NKAIN2: variants seen among roughly 807,000 people sequenced by gnomAD.
The protein encoded by NKAIN2 is sodium/potassium-transporting ATPase subunit beta-1-interacting protein 2.
In NKAIN2, 14 loss-of-function variants were observed where a neutral mutation model predicts 32.6. The ratio of observed to expected loss-of-function variants is 0.43; its 90% confidence interval spans 0.28 to 0.67. NKAIN2 has a LOEUF of 0.67. NKAIN2 is among the 30% of genes least tolerant of loss of function. The pLI is 0.17. For missense variants in NKAIN2, 198 were observed against 258.3 expected (o/e 0.77, Z 1.60); for synonymous variants, 80 against 87.2 (o/e 0.92, Z 0.46).
chr6:124,477,240 T>C (rs1777255746), intron 3 of NKAIN2, among the ~76,000 whole-genome samples: 1 of 152,200 alleles, frequency 6.6e-6, no homozygotes, highest in Non-Finnish European at 1.5e-5. Context: ...GTAGAAATAT[T>C]CTTAAGTGCT....
intron 4 of NKAIN2, among the ~76,000 whole-genome samples, chr6:124,777,620 C>A (rs1207626231): frequency 6.6e-6 from 1 of 152,114 alleles, no homozygotes; most frequent in African/African-American, 2.4e-5. Context: ...ACAGCAAAGT[C>A]TGCCTGCCTT....
intron 3 of NKAIN2, among the ~76,000 whole-genome samples, chr6:124,463,062 A>G (rs1016570540): frequency 6.6e-6 from 1 of 151,064 alleles, no homozygotes; most frequent in Non-Finnish European, 1.5e-5. Context: ...AATTGAAACA[A>G]GTATCTCTAC....
intron 3 of NKAIN2, among the ~76,000 whole-genome samples, chr6:124,505,900 G>A (rs1162429335): frequency 1.3e-5 from 2 of 152,140 alleles, no homozygotes; most frequent in African/African-American, 2.4e-5. Flanking sequence ...CGGGCCGGGG[G>A]CGGTGGCTCA....
chr6:124,379,013 G>C (rs981642143), intron 3 of NKAIN2, among the ~76,000 whole-genome samples: 2 of 147,734 alleles, frequency 1.4e-5, no homozygotes, highest in African/African-American at 5.0e-5. Flanking sequence ...GATGACCTGG[G>C]CCCAGGAGTT....
intron 4 of NKAIN2, among the ~76,000 whole-genome samples, chr6:124,688,685 C>G (rs1389109769): frequency 1.3e-5 from 2 of 152,082 alleles, no homozygotes; most frequent in African/African-American, 4.8e-5. Flanking sequence ...TTTACTGTCT[C>G]TATACTTCTG....
At chr6:124,437,932 C>A (rs1263674363) in intron 3 of NKAIN2, 4 of 257,096 alleles carry the variant, frequency 1.6e-5, no homozygotes, top group African/African-American at 3.7e-5. Context: ...TTCTGATTTT[C>A]TCAATAGTTA....
At chr6:124,148,602 C>A (rs562732895) in intron 1 of NKAIN2, among the ~76,000 whole-genome samples, 7 of 152,106 alleles carry the variant, frequency 4.6e-5, no homozygotes, top group African/African-American at 1.7e-4. Flanking sequence ...TGGCTTCTTA[C>A]ATTTAGCATG....
In NKAIN2 at chr6:124,703,360, A is replaced by G. The variant is rs751929367; in HGVS notation, c.474+44974A>G. On this transcript the variant is annotated intron_variant, in intron 4 of 6. Transcript: ENST00000368417. Reference sequence around the variant, plus strand: ...TCAACATAAACTTTAAATCATGAGTACTGATTACCGCTTAGCATTGTTTCC... The same window carrying G: ...TCAACATAAACTTTAAATCATGAGTGCTGATTACCGCTTAGCATTGTTTCC... Among the ~76,000 whole-genome samples, 14 of 152,090 alleles carry G rather than the reference A, an allele frequency of 9.2e-5. 1 individual carries two copies. Among genetic ancestry groups the G allele is most frequent in the Non-Finnish European group, 1.9e-4 (13 of 67,960 alleles).
At chr6:124,674,022 C>CA in intron 4 of NKAIN2, among the ~76,000 whole-genome samples, 1 of 151,958 alleles carries the variant, frequency 6.6e-6, no homozygotes, top group East Asian at 1.9e-4. Context: ...GCCTTTCTTC[C>CA]ATTTTGATTT....
chr6:123,843,471 C>T (rs1284185195), intron 1 of NKAIN2, among the ~76,000 whole-genome samples: 2 of 152,030 alleles, frequency 1.3e-5, no homozygotes, highest in Non-Finnish European at 2.9e-5. Flanking sequence ...TGCCCCTTTG[C>T]CAGGGGAGCT....
chr6:123,954,291 T>A (rs1486933473), intron 1 of NKAIN2, among the ~76,000 whole-genome samples: 1 of 152,210 alleles, frequency 6.6e-6, no homozygotes, highest in African/African-American at 2.4e-5. Flanking sequence ...TCTGGAGCAG[T>A]GCCTTCCTAT....
intron 1 of NKAIN2, among the ~76,000 whole-genome samples, chr6:123,857,983 G>A (rs1353711139): frequency 6.6e-6 from 1 of 152,176 alleles, no homozygotes; most frequent in African/African-American, 2.4e-5. Flanking sequence ...TAGTGTGAAT[G>A]TGTTCTTTCT....
In NKAIN2 at chr6:123,891,300, T is replaced by C. The variant is rs555291467; in HGVS notation, c.54+87046T>C. The stretch of plus-strand genomic sequence containing the variant: ...ACAACACTGTGAATGTACTTACTGC[T>C]ATTAAAGTGTAAACATAAATGGTTA... On this transcript the variant is annotated intron_variant, in intron 1 of 6. Coordinates refer to ENST00000368417, the MANE Select transcript of NKAIN2 (RefSeq NM_001040214.3). Among the ~76,000 whole-genome samples, 247 of 152,332 alleles carry C rather than the reference T, an allele frequency of 1.6e-3. 2 individuals are homozygous for C. Among genetic ancestry groups the C allele is most frequent in the African/African-American group, 5.8e-3 (243 of 41,588 alleles).
intron 1 of NKAIN2, among the ~76,000 whole-genome samples, chr6:123,926,668 AGTCATTG>A (rs1411983010): frequency 6.6e-6 from 1 of 152,170 alleles, no homozygotes; most frequent in Non-Finnish European, 1.5e-5. Context: ...TGATTTTAAT[AGTCATTG>A]GTTTTTTCAG....
chr6:124,495,294 G>C (rs1206960461), intron 3 of NKAIN2, among the ~76,000 whole-genome samples: 2 of 152,088 alleles, frequency 1.3e-5, no homozygotes, highest in Admixed American at 1.3e-4. Flanking sequence ...ATTTTCTTAA[G>C]AGTAATTGAA....
chr6:124,346,963 C>T (rs1221294167), intron 2 of NKAIN2, among the ~76,000 whole-genome samples: 16 of 152,196 alleles, frequency 1.1e-4, no homozygotes, highest in African/African-American at 9.7e-5. Context: ...GATTTTGCAG[C>T]AGCTGGTACC....
chr6:124,619,597 C>A (rs1583531392), intron 3 of NKAIN2, among the ~76,000 whole-genome samples: 1 of 152,244 alleles, frequency 6.6e-6, no homozygotes, highest in Non-Finnish European at 1.5e-5. Context: ...TGCCCTTTTA[C>A]AGAGCCCAGT....
At chr6:124,513,070 T>A (rs1778777207) in intron 3 of NKAIN2, among the ~76,000 whole-genome samples, 1 of 152,030 alleles carries the variant, frequency 6.6e-6, no homozygotes, top group Non-Finnish European at 1.5e-5. Flanking sequence ...AAAGGCAAAA[T>A]GAATCAGTGG....
At chr6:124,476,091 T>C (rs1583307907) in intron 3 of NKAIN2, among the ~76,000 whole-genome samples, 2 of 149,044 alleles carry the variant, frequency 1.3e-5, no homozygotes, top group East Asian at 4.0e-4. Flanking sequence ...TGTGTGTGTG[T>C]GTGTGTGCGT....
Sources: gnomAD v4.1 joint callset for allele counts (sites outside exome capture counted in the v4.1 genomes callset) on GRCh38, gnomAD v4.1.1 for gene constraint, MANE v1.5 for transcripts, NCBI Gene and HGNC (gene_info 2026-07-23, HGNC 2026-07-21) for gene names.